AVEN: variants seen among roughly 807,000 people sequenced by gnomAD.
AVEN encodes apoptosis and caspase activation inhibitor.
In AVEN, 41 loss-of-function variants were observed where a neutral mutation model predicts 38.1. The observed-to-expected ratio is 1.08, with a 90% CI of 0.84 to 1.40. The LOEUF (loss-of-function observed/expected upper bound fraction) is 1.40. Among genes scored for constraint, AVEN ranks in the 40% most tolerant of loss-of-function variants. AVEN has a pLI of 0.00. For missense variants in AVEN, 605 were observed against 438.8 expected (o/e 1.38, Z -3.38); for synonymous variants, 206 against 171.8 (o/e 1.20, Z -1.56).
chr15:34,041,734 C>A (rs189913329), upstream of AVEN, among the ~76,000 whole-genome samples: 10 of 152,300 alleles, frequency 6.6e-5, no homozygotes, highest in Admixed American at 5.9e-4. Flanking sequence ...CTCATTAAAT[C>A]TTCAAAATAT....
At chr15:33,963,439 T>C (rs564718842) in intron 2 of AVEN, among the ~76,000 whole-genome samples, 1 of 152,266 alleles carries the variant, frequency 6.6e-6, no homozygotes, top group Admixed American at 6.5e-5. Flanking sequence ...TGGCTGGCTT[T>C]TGTATGAAGT....
chr15:33,891,058 G>A (rs1048277443), intron 2 of AVEN, among the ~76,000 whole-genome samples: 1 of 150,534 alleles, frequency 6.6e-6, no homozygotes, highest in Admixed American at 6.6e-5. Context: ...GCAGTGAGCC[G>A]AGATCACACC....
At chr15:33,865,376 A>G, downstream of AVEN, 1 of 629,522 alleles carries the variant, frequency 1.6e-6, no homozygotes. Flanking sequence ...GCTATTTTGA[A>G]ATTGATTTGG....
At chr15:34,005,651 T>C (rs1021940803) in intron 1 of AVEN, among the ~76,000 whole-genome samples, 2 of 152,230 alleles carry the variant, frequency 1.3e-5, no homozygotes, top group African/African-American at 4.8e-5. Context: ...TGTACAGATA[T>C]GTCTTCCCTC....
chr15:33,933,074 A>C (rs1421477033), intron 2 of AVEN, among the ~76,000 whole-genome samples: 1 of 152,152 alleles, frequency 6.6e-6, no homozygotes, highest in Non-Finnish European at 1.5e-5. Flanking sequence ...TTTGAAAGCT[A>C]CTGGCTCAAG....
At chr15:33,858,111 G>T, downstream of AVEN, 3 of 723,894 alleles carry the variant, frequency 4.1e-6, no homozygotes, top group Non-Finnish European at 6.6e-6. Context: ...AGTGATGGAG[G>T]TAGTTTTCAT....
chr15:33,883,366 C>A lies in AVEN; in HGVS notation c.446-7371G>T, dbSNP rs1419033755. On this transcript the variant is annotated intron_variant, in intron 2 of 5. Coordinates refer to ENST00000306730, the MANE Select transcript of AVEN (RefSeq NM_020371.3). ...TTTAATTTGAGTTTTTTTCTTGTAT[C>A]CCAGTAGTCCATTTTACAACAATGA... Among the ~76,000 whole-genome samples the A allele has an allele frequency of 2.0e-5, 3 of 152,044 alleles. No homozygotes were observed. The East Asian group carries it at 5.8e-4, about 29-fold the overall frequency.
intron 1 of AVEN, among the ~76,000 whole-genome samples, chr15:34,018,746 G>T (rs902841608): frequency 2.0e-5 from 3 of 152,210 alleles, no homozygotes; most frequent in African/African-American, 7.2e-5. Flanking sequence ...ACGTCCTACT[G>T]ATTGGTCCAT....
chr15:33,889,056 T>G (rs1352005620), intron 2 of AVEN, among the ~76,000 whole-genome samples: 2 of 152,322 alleles, frequency 1.3e-5, no homozygotes, highest in East Asian at 3.9e-4. Context: ...TCAGGTGAGA[T>G]GTACGTCTTA....
At chr15:33,911,504 G>A (rs962977086) in intron 2 of AVEN, among the ~76,000 whole-genome samples, 1 of 152,012 alleles carries the variant, frequency 6.6e-6, no homozygotes, top group African/African-American at 2.4e-5. Flanking sequence ...TGCAATGCCC[G>A]GAAAAAGAGG....
chr15:33,925,959 G>A (rs988281748), intron 2 of AVEN, among the ~76,000 whole-genome samples: 2 of 151,994 alleles, frequency 1.3e-5, no homozygotes, highest in South Asian at 2.1e-4. Context: ...TGCCTTCTCC[G>A]CAAATGAAGG....
intron 2 of AVEN, among the ~76,000 whole-genome samples, chr15:33,960,941 C>A (rs1158696784): frequency 6.6e-6 from 1 of 152,198 alleles, no homozygotes; most frequent in Non-Finnish European, 1.5e-5. Context: ...AATATGAAGT[C>A]TTTACATAAA....
At chr15:33,961,072 C>T (rs1225022317) in intron 2 of AVEN, among the ~76,000 whole-genome samples, 1 of 152,186 alleles carries the variant, frequency 6.6e-6, no homozygotes, top group African/African-American at 2.4e-5. Context: ...GAGAACTTGG[C>T]TCACTGAAGC....
chr15:33,880,055 T>G (rs1296209599), intron 2 of AVEN, among the ~76,000 whole-genome samples: 1 of 152,208 alleles, frequency 6.6e-6, no homozygotes, highest in Admixed American at 6.5e-5. Flanking sequence ...TGGTAAGTTA[T>G]GTATTTACTG....
At chr15:34,048,217 C>T (rs1567488086) in intron 5 of AVEN, among the ~76,000 whole-genome samples, 1 of 152,244 alleles carries the variant, frequency 6.6e-6, no homozygotes, top group African/African-American at 2.4e-5. Context: ...TTCCTCCTCA[C>T]TGGGTGGGAT....
At chr15:33,866,048 G>C (rs998299041), downstream of AVEN, 1 of 154,526 alleles carries the variant, frequency 6.5e-6, no homozygotes, top group Non-Finnish European at 1.4e-5. Context: ...CTGTTTAGGT[G>C]AATCTCCTCA....
chr15:33,877,991 T>C (rs1035871673), intron 2 of AVEN, among the ~76,000 whole-genome samples: 3 of 151,888 alleles, frequency 2.0e-5, no homozygotes, highest in Non-Finnish European at 4.4e-5. Context: ...TGGAAGAAAA[T>C]ATCTCATTCA....
intron 5 of AVEN, among the ~76,000 whole-genome samples, chr15:34,056,670 G>C (rs1489531077): frequency 6.6e-6 from 1 of 152,154 alleles, no homozygotes; most frequent in African/African-American, 2.4e-5. Flanking sequence ...CCTCAAGGTT[G>C]TTCTGCTTGA....
downstream of AVEN, chr15:33,856,650 TTTTG>T (rs779920872): frequency 5.2e-4 from 81 of 154,492 alleles, no homozygotes; most frequent in Middle Eastern, 6.3e-3. Flanking sequence ...CCTTTGGGTT[TTTTG>T]TTTGTTTGTT....
Sources: gnomAD v4.1 joint callset for allele counts (sites outside exome capture counted in the v4.1 genomes callset) on GRCh38, gnomAD v4.1.1 for gene constraint, MANE v1.5 for transcripts, NCBI Gene and HGNC (gene_info 2026-07-23, HGNC 2026-07-21) for gene names.